The following FANCC variants were observed in gnomAD, a reference collection of about 807,000 sequenced individuals.
FANCC encodes FA complementation group C.
A neutral mutation model predicts 71.3 loss-of-function variants in FANCC; 55 were observed. The observed-to-expected ratio is 0.77, with a 90% CI of 0.62 to 0.97. The LOEUF (loss-of-function observed/expected upper bound fraction) is 0.97. FANCC is among the 50% of genes least tolerant of loss of function. The probability of loss-of-function intolerance (pLI) is 0.00; values close to 1 mark genes in which losing one functional copy is unlikely to be tolerated. For missense variants in FANCC, 678 were observed against 670.9 expected, an observed-to-expected ratio of 1.01 and a Z score of -0.12; for synonymous variants, 275 against 244.9, an observed-to-expected ratio of 1.12 and a Z score of -1.15.
intron 14 of FANCC, among the ~76,000 whole-genome samples, chr9:95,105,732 A>G (rs745767512): frequency 4.6e-5 from 7 of 152,148 alleles, no homozygotes; most frequent in Non-Finnish European, 8.8e-5. Context: ...TGACTCATAC[A>G]ACATCCTCGT....
At chr9:95,293,000 C>A in intron 1 of FANCC, 1 of 1,576,524 alleles carries the variant, frequency 6.3e-7, no homozygotes, top group Non-Finnish European at 8.7e-7. Flanking sequence ...AACACAGGGA[C>A]CCACCTAGTA....
intron 1 of FANCC, among the ~76,000 whole-genome samples, chr9:95,277,465 C>T (rs942870638): frequency 1.3e-5 from 2 of 152,136 alleles, no homozygotes; most frequent in African/African-American, 4.8e-5. Context: ...TGAAACATCA[C>T]ATTGCACCCT....
intron 4 of FANCC, among the ~76,000 whole-genome samples, chr9:95,225,367 T>C (rs1271294324): frequency 6.6e-6 from 1 of 152,200 alleles, no homozygotes; most frequent in Non-Finnish European, 1.5e-5. Flanking sequence ...ACAGTGAGCT[T>C]ATGTCTTGGA....
chr9:95,126,721 A>G, intron 8 of FANCC, 140 bp from the exon 9 acceptor site: 2 of 809,718 alleles, frequency 2.5e-6, no homozygotes, highest in Non-Finnish European at 2.1e-6. Flanking sequence ...AGAACGAACC[A>G]CTGCTGTACT....
intron 1 of FANCC, among the ~76,000 whole-genome samples, chr9:95,308,052 C>T (rs1835166847): frequency 6.6e-6 from 1 of 152,158 alleles, no homozygotes; most frequent in South Asian, 2.1e-4. Flanking sequence ...TCAGTAATAC[C>T]TTAGAAACAA....
At chr9:95,144,867 C>T (rs2135361008) in intron 7 of FANCC, among the ~76,000 whole-genome samples, 1 of 152,324 alleles carries the variant, frequency 6.6e-6, no homozygotes, top group South Asian at 2.1e-4. Flanking sequence ...CGCACGTTCA[C>T]AACGCCCTTT....
intron 1 of FANCC, among the ~76,000 whole-genome samples, chr9:95,267,344 C>T (rs536604643): frequency 3.3e-5 from 5 of 152,212 alleles, no homozygotes; most frequent in African/African-American, 1.2e-4. Context: ...CCAGGCACTG[C>T]GTGAAGCAGC....
At position 95,135,460 on chromosome 9, in the gene FANCC, C is replaced by T. The variant is rs1588134571; in HGVS notation, c.729G>A (p.Trp243Ter). ...TTTCAAGGCTGGGAAGGTGCCGAAG[C>T]CAGAGGCAGACTACAGCTGACATGG... is the stretch of plus-strand genomic sequence containing the variant. ...SLPMSAVVCL[W>*]LRHLPSLEKA... is the part of the protein sequence containing the mutation. The change falls in exon 8 of 15, where the codon TGG becomes TGA. Residue 243 changes from tryptophan (W) to a stop codon, truncating the protein, a stop_gained. Coordinates refer to ENST00000289081, the MANE Select transcript of FANCC (RefSeq NM_000136.3). LOFTEE classifies it high-confidence loss of function. 6.2e-7 allele frequency: 1 copy of T among 1,613,944 alleles called. No homozygotes were observed. Among genetic ancestry groups the T allele is most frequent in the South Asian group, 1.1e-5 (1 of 91,076 alleles).
intron 1 of FANCC, among the ~76,000 whole-genome samples, chr9:95,272,631 G>A (rs577043327): frequency 6.6e-6 from 1 of 152,228 alleles, no homozygotes; most frequent in Non-Finnish European, 1.5e-5. Context: ...AGACGTGGAG[G>A]TTGCAGTGAG....
chr9:95,115,318 C>T (rs4647527), intron 11 of FANCC, among the ~76,000 whole-genome samples: 8 of 152,178 alleles, frequency 5.3e-5, no homozygotes, highest in African/African-American at 1.9e-4. Context: ...TGGGAAATGC[C>T]GGGTTGCGGA....
At chr9:95,201,580 T>C (rs928467204) in intron 4 of FANCC, among the ~76,000 whole-genome samples, 5 of 152,042 alleles carry the variant, frequency 3.3e-5, no homozygotes, top group African/African-American at 4.8e-5. Context: ...ACTAACAAAA[T>C]TGCGATTTCC....
intron 1 of FANCC, among the ~76,000 whole-genome samples, chr9:95,302,011 G>A (rs1453306814): frequency 6.7e-6 from 1 of 150,120 alleles, no homozygotes; most frequent in African/African-American, 2.4e-5. Context: ...GAACCCGGGA[G>A]GCGGAGTTTG....
intron 1 of FANCC, among the ~76,000 whole-genome samples, chr9:95,297,402 C>T (rs1276419693): frequency 6.6e-6 from 1 of 152,160 alleles, no homozygotes; most frequent in Admixed American, 6.5e-5. Flanking sequence ...ATAGCATCTT[C>T]CCTCCCTCTC....
intron 4 of FANCC, among the ~76,000 whole-genome samples, chr9:95,239,133 A>G (rs1368701366): frequency 6.6e-6 from 1 of 152,152 alleles, no homozygotes; most frequent in African/African-American, 2.4e-5. Context: ...TCAGAATTCA[A>G]TTAACACGTC....
At chr9:95,260,780 G>A (rs1831996429) in intron 1 of FANCC, among the ~76,000 whole-genome samples, 1 of 151,752 alleles carries the variant, frequency 6.6e-6, no homozygotes, top group Non-Finnish European at 1.5e-5. Flanking sequence ...GTTTATAAAT[G>A]TGAATAAAGA....
intron 7 of FANCC, among the ~76,000 whole-genome samples, chr9:95,142,788 G>C (rs1828966832): frequency 6.6e-6 from 1 of 152,188 alleles, no homozygotes; most frequent in African/African-American, 2.4e-5. Flanking sequence ...AGAGTGGTCA[G>C]AGACTCGTAT....
intron 6 of FANCC, among the ~76,000 whole-genome samples, chr9:95,159,992 A>T (rs1405906835): frequency 6.6e-6 from 1 of 152,052 alleles, no homozygotes; most frequent in East Asian, 1.9e-4. Context: ...GTTCACTCTG[A>T]TGGTAGTTTC....
intron 1 of FANCC, chr9:95,293,633 C>T: frequency 1.9e-6 from 3 of 1,614,222 alleles, no homozygotes; most frequent in Non-Finnish European, 2.5e-6. Flanking sequence ...CACAGTGGGC[C>T]ACCGCTGATT....
chr9:95,292,500 A>T, intron 1 of FANCC: 2 of 1,441,224 alleles, frequency 1.4e-6, no homozygotes, highest in Non-Finnish European at 1.8e-6. Context: ...CGCGGGGGTG[A>T]CGCAGCAGCC....
Sources: gnomAD v4.1 joint callset for allele counts (sites outside exome capture counted in the v4.1 genomes callset) on GRCh38, gnomAD v4.1.1 for gene constraint, MANE v1.5 for transcripts, NCBI Gene and HGNC (gene_info 2026-07-23, HGNC 2026-07-21) for gene names.